The following TTC4 variants were observed in gnomAD, a reference collection of about 807,000 sequenced individuals.
TTC4 encodes tetratricopeptide repeat domain 4, also known as hsp70/Hsp90 co-chaperone CNS1 homolog.
In TTC4, 36 loss-of-function variants were observed where a neutral mutation model predicts 51.9. That is an observed-to-expected ratio of 0.69 (90% CI 0.53 to 0.92). The LOEUF (loss-of-function observed/expected upper bound fraction) is 0.92. Ranked by LOEUF, TTC4 falls within the 40% of genes least tolerant of loss-of-function variation. The pLI, the probability that TTC4 is intolerant of heterozygous loss-of-function variation, is 0.00. For synonymous variants in TTC4, 144 were observed against 164.2 expected (o/e 0.88, Z 0.94); for missense variants, 399 against 454.6 (o/e 0.88, Z 1.11).
chr1:54,735,716 A>T (rs1645925247), intron 8 of TTC4, among the ~76,000 whole-genome samples: 1 of 152,142 alleles, frequency 6.6e-6, no homozygotes, highest in African/African-American at 2.4e-5. Flanking sequence ...TTATAGGGAG[A>T]TGCTTTGAAA....
At chr1:54,726,470 G>C (rs1365038350) in intron 5 of TTC4, among the ~76,000 whole-genome samples, 5 of 152,116 alleles carry the variant, frequency 3.3e-5, no homozygotes, top group African/African-American at 9.7e-5. Context: ...AAAACTCTTG[G>C]AACTAAGTTC....
chr1:54,739,083 G>T (rs1645982330), intron 9 of TTC4, among the ~76,000 whole-genome samples: 1 of 151,406 alleles, frequency 6.6e-6, no homozygotes, highest in Non-Finnish European at 1.5e-5. Context: ...TGTTGGCCAG[G>T]CTGGTCTTGA....
At chr1:54,716,565 G>C in intron 1 of TTC4, 35 bp from the exon 2 acceptor site, 1 of 1,539,174 alleles carries the variant, frequency 6.5e-7, no homozygotes, top group Non-Finnish European at 8.9e-7. Context: ...CAGTAGAAAA[G>C]CTTATTCATG....
At chr1:54,732,177 C>T (rs978489112) in intron 7 of TTC4, among the ~76,000 whole-genome samples, 2 of 151,582 alleles carry the variant, frequency 1.3e-5, no homozygotes, top group African/African-American at 2.4e-5. Flanking sequence ...ACTAAAAATA[C>T]AAAAAATTAG....
chr1:54,716,059 C>G (rs1263140904), intron 1 of TTC4, 40 bp downstream of exon 1: 1 of 1,509,936 alleles, frequency 6.6e-7, no homozygotes, highest in East Asian at 2.5e-5. Context: ...GTAGGGGCGT[C>G]GTCCGGACTC....
At position 54,722,819 on chromosome 1, in the gene TTC4, C is replaced by CAATTAGCATTTGCTAATTAGCAGT; in HGVS notation, c.594+31_594+54dup. On this transcript the variant is annotated intron_variant, in intron 5 of 9. Transcript: ENST00000371281. ...CTGAAGGTTGGTGACTGTCAGCAAC[C>CAATTAGCATTTGCTAATTAGCAGT]AATTAGCATTTGCTAATTAGCAGTA... 1 of 1,610,448 alleles carries CAATTAGCATTTGCTAATTAGCAGT rather than the reference C, an allele frequency of 6.2e-7. No individual in the cohort carries two copies. The highest frequency in any genetic ancestry group is 8.5e-7 in the Non-Finnish European group (1 of 1,178,886).
Position 54,715,959 on chromosome 1 carries a change from C to T in TTC4, c.51C>T (p.Phe17=), listed in dbSNP as rs2101283708. The change falls in exon 1 of 10, where the codon TTC becomes TTT. Residue 17 remains phenylalanine, a synonymous_variant. Coordinates refer to ENST00000371281, the MANE Select transcript of TTC4 (RefSeq NM_004623.5). The part of the protein sequence containing the change: ...DPTSDDVMDS[F]LEKFQSQPYR... ...CCTCAGACGACGTCATGGACTCGTT[C>T]CTGGAAAAGTTCCAGAGCCAGCCTT... The T allele has an allele frequency of 1.2e-6, 2 of 1,606,924 alleles. No individual in the cohort carries two copies. The highest frequency in any genetic ancestry group is 1.7e-6 in the Non-Finnish European group (2 of 1,176,784).
At chr1:54,721,277 T>C in intron 4 of TTC4, 37 bp downstream of exon 4, 1 of 1,601,912 alleles carries the variant, frequency 6.2e-7, no homozygotes, top group Non-Finnish European at 8.5e-7. Flanking sequence ...CATTTAAAGC[T>C]TTGATATGAA....
At chr1:54,726,608 T>G (rs2873510) in intron 5 of TTC4, among the ~76,000 whole-genome samples, 88,272 of 151,970 alleles carry the variant, frequency 0.58, 26,452 homozygotes, top group East Asian at 0.97. Context: ...AAAACACTTA[T>G]GAGTACATTT....
intron 4 of TTC4, among the ~76,000 whole-genome samples, chr1:54,721,805 A>G (rs1645746645): frequency 6.6e-6 from 1 of 152,212 alleles, no homozygotes; most frequent in South Asian, 2.1e-4. Context: ...GCCTCTTTAA[A>G]TGTTCATGGT....
rs920148981 is a variant in TTC4 at position 54,731,338 on chromosome 1, G to A, written c.682-148G>A. On this transcript the variant is annotated intron_variant, in intron 6 of 9. Coordinates refer to ENST00000371281, the MANE Select transcript of TTC4 (RefSeq NM_004623.5). ...AGTCGTGCAGCCTGGGCAATATAGT[G>A]AAACTCCGTCTCTTCAAAAAATAAA... 33 of 689,250 alleles carry A rather than the reference G, an allele frequency of 4.8e-5. No individual in the cohort carries two copies. The African/African-American group carries it at 5.9e-4, about 12-fold the overall frequency. The allele number at this position is 689,250 out of a possible 1,614,324, so 42.7% of individuals were successfully genotyped here.
chr1:54,736,458 C>T (rs1405958795), intron 8 of TTC4, among the ~76,000 whole-genome samples: 1 of 152,072 alleles, frequency 6.6e-6, no homozygotes, highest in African/African-American at 2.4e-5. Context: ...CCAAGATCAA[C>T]CTCCTGGGCT....
At chr1:54,718,430 G>A (rs377650313) in intron 3 of TTC4, among the ~76,000 whole-genome samples, 1 of 151,944 alleles carries the variant, frequency 6.6e-6, no homozygotes, top group Admixed American at 6.6e-5. Context: ...ACATTTTTTT[G>A]TAGAGACAGG....
intron 6 of TTC4, among the ~76,000 whole-genome samples, chr1:54,731,041 T>C (rs992252819): frequency 3.3e-5 from 5 of 152,188 alleles, no homozygotes; most frequent in African/African-American, 1.2e-4. Context: ...CCACTTGATA[T>C]TGAGCAGAGG....
chr1:54,731,201 G>C (rs1645861458), intron 6 of TTC4, among the ~76,000 whole-genome samples: 1 of 151,226 alleles, frequency 6.6e-6, no homozygotes, highest in Non-Finnish European at 1.5e-5. Context: ...CCCTCAGGGA[G>C]CTCCCATTGT....
intron 4 of TTC4, 140 bp from the exon 5 acceptor site, chr1:54,722,535 G>A: frequency 8.5e-7 from 1 of 1,177,384 alleles, no homozygotes; most frequent in Non-Finnish European, 1.2e-6. Context: ...CTTGTCTGGG[G>A]ACTGCAGTAT....
At position 54,719,515 on chromosome 1, in the gene TTC4, T is replaced by C. The variant is rs1570032544; in HGVS notation, c.392-1648T>C. On this transcript the variant is annotated intron_variant, in intron 3 of 9. Coordinates refer to ENST00000371281, the MANE Select transcript of TTC4 (RefSeq NM_004623.5). ...ATGTGTTCAATCTGCCTCCTTTAACTAAAAGTCCTTGGATCCCTTTCATGT... is the reference window on the plus strand; with the variant it reads ...ATGTGTTCAATCTGCCTCCTTTAACCAAAAGTCCTTGGATCCCTTTCATGT... Among the ~76,000 whole-genome samples the C allele has an allele frequency of 5.4e-5, 7 of 130,114 alleles. No individual in the cohort carries two copies. In the East Asian group the frequency reaches 1.8e-3, roughly 33 times the overall value. The allele number at this position is 130,114 out of a possible 152,430, so 85.4% of individuals were successfully genotyped here. A position where few individuals can be genotyped will look rare whatever the true frequency, so the allele number is the denominator to read the frequency against.
chr1:54,716,225 C>G, intron 1 of TTC4: 1 of 581,614 alleles, frequency 1.7e-6, no homozygotes, highest in East Asian at 3.0e-5. Flanking sequence ...GCCTGTGACT[C>G]CACCACTTAA....
In TTC4 at chr1:54,728,386, A is replaced by C; in HGVS notation, c.635A>C (p.Glu212Ala). The C allele has an allele frequency of 6.2e-7, 1 of 1,613,358 alleles. No individual in the cohort carries two copies. Among genetic ancestry groups the C allele is most frequent in the Non-Finnish European group, 8.5e-7 (1 of 1,179,494 alleles). ...GATGTGAGGAAAGCCAACTTGAAAGAAAAGAAGGAGAGGAATCAGAATGAG... is the reference window on the plus strand; with the variant it reads ...GATGTGAGGAAAGCCAACTTGAAAGCAAAGAAGGAGAGGAATCAGAATGAG... ...QRDVRKANLK[E>A]KKERNQNEAL... Residue 212 changes from glutamate to alanine, a missense_variant, in exon 6 of 10, where the codon GAA becomes GCA. This residue lies in a region of TTC4 where 316 missense variants were observed against 349.6 expected (regional missense o/e 0.90). Coordinates refer to ENST00000371281, the MANE Select transcript of TTC4 (RefSeq NM_004623.5).
Sources: allele counts gnomAD v4.1 joint callset (sites outside exome capture counted in the v4.1 genomes callset), GRCh38; gene constraint gnomAD v4.1.1; regional missense constraint gnomAD v4.1.1; transcripts MANE v1.5; gene names NCBI Gene and HGNC (gene_info 2026-07-23, HGNC 2026-07-21).